Variants in PDE10A observed in about 807,000 individuals in gnomAD.
PDE10A encodes the protein phosphodiesterase 10A, also known as cAMP and cAMP-inhibited cGMP 3',5'-cyclic phosphodiesterase 10A.
PDE10A carries 39 observed loss-of-function variants against 97.7 expected under a neutral mutation model. That is an observed-to-expected ratio of 0.40 (90% CI 0.31 to 0.52). The LOEUF (loss-of-function observed/expected upper bound fraction) is 0.52. Among genes scored for constraint, PDE10A ranks in the 20% least tolerant of loss-of-function variants. The probability of loss-of-function intolerance (pLI) is 0.56; values close to 1 mark genes in which losing one functional copy is unlikely to be tolerated. For missense variants in PDE10A, 731 were observed against 1,047.8 expected, an observed-to-expected ratio of 0.70 and a Z score of 4.17; for synonymous variants, 371 against 376.8, an observed-to-expected ratio of 0.98 and a Z score of 0.18.
At chr6:165,688,726 A>G (rs2128441113) in intron 1 of PDE10A, among the ~76,000 whole-genome samples, 1 of 152,346 alleles carries the variant, frequency 6.6e-6, no homozygotes, top group East Asian at 1.9e-4. Flanking sequence ...AAAGAGAAGA[A>G]CAATATATAG....
intron 2 of PDE10A, among the ~76,000 whole-genome samples, chr6:165,483,604 T>G (rs1268386878): frequency 6.6e-6 from 1 of 152,246 alleles, no homozygotes; most frequent in Non-Finnish European, 1.5e-5. Flanking sequence ...TACAGAGGCA[T>G]ATGTGCTTTT....
chr6:165,482,327 CT>C lies in PDE10A; in HGVS notation c.1010del (p.Lys337ArgfsTer18). On this transcript the variant is annotated frameshift_variant, in exon 3 of 22. Coordinates refer to ENST00000539869, the MANE Select transcript of PDE10A (RefSeq NM_001385079.1). LOFTEE classifies it high-confidence loss of function. ...TCACATCACTTACCCTGCTGACTTCCTTAGGAGCTGATTCATCTGGGGATAG... is the reference window on the plus strand; with the variant it reads ...TCACATCACTTACCCTGCTGACTTCCTAGGAGCTGATTCATCTGGGGATAG... ...NNKSEDESAP[K>X]EVSRYQDTNM... 1 of 1,601,090 alleles carries C rather than the reference CT, an allele frequency of 6.2e-7. No homozygotes were observed. The highest frequency in any genetic ancestry group is 8.6e-7 in the Non-Finnish European group (1 of 1,168,408).
chr6:165,344,162 A>G, intron 18 of PDE10A, among the ~76,000 whole-genome samples: 1 of 152,118 alleles, frequency 6.6e-6, no homozygotes, highest in South Asian at 2.1e-4. Flanking sequence ...TCCATGTCTG[A>G]CTTTATTTTC....
intron 1 of PDE10A, among the ~76,000 whole-genome samples, chr6:165,752,312 A>G (rs935643700): frequency 3.9e-5 from 6 of 152,090 alleles, no homozygotes; most frequent in Non-Finnish European, 5.9e-5. Context: ...TCCTTGGTGA[A>G]GCCAAGGACC....
intron 2 of PDE10A, among the ~76,000 whole-genome samples, chr6:165,494,141 T>G (rs1780385412): frequency 6.6e-6 from 1 of 152,040 alleles, no homozygotes. Flanking sequence ...CCTGCAAGAA[T>G]GGCCATAACA....
chr6:165,502,197 TGA>T lies in PDE10A; in HGVS notation c.995-19856_995-19855del, dbSNP rs577710250. 8.3e-4 allele frequency among the ~76,000 whole-genome samples: 127 copies of T among 152,254 alleles called. 1 individual carries two copies. The highest frequency in any genetic ancestry group is 3.0e-3 in the African/African-American group (123 of 41,538). On this transcript the variant is annotated intron_variant, in intron 2 of 21. Coordinates refer to ENST00000539869, the MANE Select transcript of PDE10A (RefSeq NM_001385079.1). ...TGTATAAGAAAACAGGAGAATATATTGAGTTAGGCAATGATTTCCTACAGTAG... is the reference window on the plus strand; with the variant it reads ...TGTATAAGAAAACAGGAGAATATATTGTTAGGCAATGATTTCCTACAGTAG...
intron 2 of PDE10A, among the ~76,000 whole-genome samples, chr6:165,498,147 C>G (rs1017117635): frequency 2.0e-5 from 3 of 151,872 alleles, no homozygotes; most frequent in Non-Finnish European, 2.9e-5. Flanking sequence ...CACCATGGCT[C>G]ACAGCTGTAA....
At chr6:165,472,137 G>C (rs962278550) in intron 3 of PDE10A, among the ~76,000 whole-genome samples, 2 of 151,986 alleles carry the variant, frequency 1.3e-5, no homozygotes, top group African/African-American at 4.8e-5. Flanking sequence ...GTCATTTTAG[G>C]TGGTCTTTTC....
intron 1 of PDE10A, chr6:165,775,781 A>C (rs1778162774): frequency 6.6e-6 from 1 of 152,246 alleles, no homozygotes; most frequent in Admixed American, 6.5e-5. Context: ...TTTTAAAGCC[A>C]GTTATTAAAG....
At chr6:165,458,410 C>A (rs768972730) in intron 3 of PDE10A, among the ~76,000 whole-genome samples, 1 of 152,074 alleles carries the variant, frequency 6.6e-6, no homozygotes, top group Non-Finnish European at 1.5e-5. Context: ...TGTGAGGACA[C>A]GGCAAGAAGA....
At chr6:165,659,679 G>A (rs538083716) in intron 1 of PDE10A, among the ~76,000 whole-genome samples, 1 of 152,314 alleles carries the variant, frequency 6.6e-6, no homozygotes, top group Non-Finnish European at 1.5e-5. Context: ...GCAAGGTGTG[G>A]GGCGAGGGGG....
At chr6:165,740,008 G>A (rs1792677894) in intron 1 of PDE10A, among the ~76,000 whole-genome samples, 1 of 152,132 alleles carries the variant, frequency 6.6e-6, no homozygotes, top group South Asian at 2.1e-4. Flanking sequence ...TGCTACTGGT[G>A]GGAATGTATA....
chr6:165,905,320 G>A (rs947304636), intron 1 of PDE10A, among the ~76,000 whole-genome samples: 7 of 152,136 alleles, frequency 4.6e-5, no homozygotes, highest in African/African-American at 1.4e-4. Flanking sequence ...CATAGAGGTT[G>A]TTTAAATTAG....
At chr6:165,811,620 C>G (rs767172868) in intron 1 of PDE10A, among the ~76,000 whole-genome samples, 1 of 152,204 alleles carries the variant, frequency 6.6e-6, no homozygotes, top group Admixed American at 6.5e-5. Flanking sequence ...ACTCCGGCCT[C>G]CCTGTGAGAG....
At position 165,471,861 on chromosome 6, in the gene PDE10A, G is replaced by A. The variant is rs192583016; in HGVS notation, c.1023+10454C>T. Among the ~76,000 whole-genome samples the A allele has an allele frequency of 1.3e-3, 196 of 152,128 alleles. 3 individuals are homozygous for A. Among genetic ancestry groups the A allele is most frequent in the Admixed American group, 9.1e-3 (139 of 15,270 alleles). On this transcript the variant is annotated intron_variant, in intron 3 of 21. Coordinates refer to ENST00000539869, the MANE Select transcript of PDE10A (RefSeq NM_001385079.1). ...TGGCAATGAAAAATTATTTTAAAGCGCTGCTGAAATCATTTACTTAGGATT... is the reference window on the plus strand; with the variant it reads ...TGGCAATGAAAAATTATTTTAAAGCACTGCTGAAATCATTTACTTAGGATT...
intron 1 of PDE10A, among the ~76,000 whole-genome samples, chr6:165,726,097 T>C (rs959158423): frequency 1.3e-5 from 2 of 152,180 alleles, no homozygotes; most frequent in African/African-American, 4.8e-5. Context: ...GTTGTATTCC[T>C]GTGCATAGGC....
chr6:165,957,312 C>A (rs1784162429), intron 1 of PDE10A, among the ~76,000 whole-genome samples: 1 of 151,936 alleles, frequency 6.6e-6, no homozygotes, highest in Non-Finnish European at 1.5e-5. Context: ...GAGACCCCAT[C>A]TCTACAAAAA....
At chr6:165,987,804 G>A (rs1785269056) in exon 1 of PDE10A, 1 of 447,662 alleles carries the variant, frequency 2.2e-6, no homozygotes, top group African/African-American at 2.0e-5. Flanking sequence ...CTCGCAAAAG[G>A]CGAGTGTGTG....
At chr6:165,835,311 C>T (rs1331749238) in intron 1 of PDE10A, among the ~76,000 whole-genome samples, 1 of 152,206 alleles carries the variant, frequency 6.6e-6, no homozygotes, top group Admixed American at 6.5e-5. Context: ...TGGGATATTC[C>T]TTTATACGGA....
Sources: gnomAD v4.1 joint callset for allele counts (sites outside exome capture counted in the v4.1 genomes callset) on GRCh38, gnomAD v4.1.1 for gene constraint, MANE v1.5 for transcripts, NCBI Gene and HGNC (gene_info 2026-07-23, HGNC 2026-07-21) for gene names.